PELP1: variants seen among roughly 807,000 people sequenced by gnomAD.
PELP1 encodes the protein proline-, glutamic acid- and leucine-rich protein 1.
PELP1 carries 32 observed loss-of-function variants against 95.5 expected under a neutral mutation model. The observed-to-expected ratio is 0.34, with a 90% CI of 0.25 to 0.45. The LOEUF (loss-of-function observed/expected upper bound fraction) is 0.45, where lower values mean the gene tolerates loss of function less well. Among genes scored for constraint, PELP1 ranks in the 20% least tolerant of loss-of-function variants. The probability of loss-of-function intolerance (pLI) is 1.00; values close to 1 mark genes in which losing one functional copy is unlikely to be tolerated. For synonymous variants in PELP1, 668 were observed against 600.1 expected (o/e 1.11, Z -1.65); for missense variants, 1,358 against 1,444.8 (o/e 0.94, Z 0.97).
chr17:4,675,594 T>A lies in PELP1; in HGVS notation c.1068+203A>T, dbSNP rs1013111219. 21 of 708,180 alleles carry A rather than the reference T, an allele frequency of 3.0e-5. No homozygotes were observed. The African/African-American group carries it at 3.0e-4, about 10-fold the overall frequency. The allele number at this position is 708,180 out of a possible 1,614,324, so 43.9% of individuals were successfully genotyped here. On this transcript the variant is annotated intron_variant, in intron 9 of 16. Coordinates refer to ENST00000572293, the MANE Select transcript of PELP1 (RefSeq NM_014389.3). The surrounding 1 kb of genome is among the most constrained non-coding windows in gnomAD (Gnocchi z 4.3). Reference sequence around the variant, plus strand: ...ACTCAGCTGATCCCCAAATTCACCCTCCCCCAAGGAAGCATTTGCTACACT... The same window carrying A: ...ACTCAGCTGATCCCCAAATTCACCCACCCCCAAGGAAGCATTTGCTACACT...
chr17:4,681,678 C>T (rs539373953), intron 5 of PELP1, among the ~76,000 whole-genome samples: 61 of 151,738 alleles, frequency 4.0e-4, no homozygotes, highest in South Asian at 2.7e-3. Flanking sequence ...TATGCACCTG[C>T]AGTCCCAGCT....
At position 4,671,892 on chromosome 17, in the gene PELP1, G is replaced by T; in HGVS notation, c.3099C>A (p.Ser1033=). 6.6e-7 allele frequency: 1 copy of T among 1,513,638 alleles called. No individual in the cohort carries two copies. 93.8% of individuals were successfully genotyped at this position (1,513,638 alleles called of 1,614,324 possible). Residue 1033 remains serine (S), a synonymous_variant, in exon 16 of 17, where the codon TCC becomes TCA. Transcript: ENST00000572293. ...APTLAPEALP[S]QGEVEREGES... is the part of the protein sequence containing the mutation. ...CCCCTTCCCTCTCCACCTCTCCCTG[G>T]GAGGGGAGCGCTTCAGGGGCCAGGG... is the stretch of plus-strand genomic sequence containing the variant.
Position 4,672,104 on chromosome 17 carries a change from G to C in PELP1, c.2887C>G (p.Leu963Val), listed in dbSNP as rs776358597. Residue 963 changes from leucine (L) to valine (V), a missense_variant, in exon 16 of 17, where the codon CTG becomes GTG. Coordinates refer to ENST00000572293, the MANE Select transcript of PELP1 (RefSeq NM_014389.3). ...EEEELEEVED[L>V]EFGTAGGEVE... ...TCCCCTCCTGCTGTGCCAAACTCCA[G>C]GTCTTCCACCTCTTCCAGTTCTTCT... is the stretch of plus-strand genomic sequence containing the variant. 13 of 1,553,818 alleles carry C rather than the reference G, an allele frequency of 8.4e-6. No homozygotes were observed. Among genetic ancestry groups the C allele is most frequent in the Non-Finnish European group, 1.1e-5 (13 of 1,148,274 alleles).
intron 1 of PELP1, among the ~76,000 whole-genome samples, chr17:4,693,108 C>T (rs1349688168): frequency 6.6e-6 from 1 of 152,224 alleles, no homozygotes; most frequent in African/African-American, 2.4e-5. Flanking sequence ...AATGGCGCAG[C>T]CACTCTGGAA....
intron 1 of PELP1, 103 bp downstream of exon 1, chr17:4,703,760 T>G: frequency 2.0e-6 from 2 of 987,326 alleles, no homozygotes; most frequent in South Asian, 1.7e-5. Context: ...CAGCTCTCCT[T>G]CCTTCAACCT....
intron 1 of PELP1, among the ~76,000 whole-genome samples, chr17:4,699,048 A>T (rs1913416648): frequency 6.6e-6 from 1 of 152,124 alleles, no homozygotes; most frequent in Non-Finnish European, 1.5e-5. Context: ...AGTTTAGGAG[A>T]TCTGTCATTA....
rs767633259 is a variant in PELP1 at position 4,691,395 on chromosome 17, G to A, written c.297C>T (p.Leu99=). 1 of 1,613,512 alleles carries A rather than the reference G, an allele frequency of 6.2e-7. No individual in the cohort carries two copies. The highest frequency in any genetic ancestry group is 1.7e-5 in the Admixed American group (1 of 60,026). The part of the protein sequence containing the change: ...GALVSLSNAR[L]SSIKTRFEGL... ...AGACTTACCGAGTTTTGATGGAACT[G>A]AGACGTGCATTACTGAGACTCACCA... Residue 99 remains leucine (L), a synonymous_variant, in exon 2 of 17, where the codon CTC becomes CTT. Coordinates refer to ENST00000572293, the MANE Select transcript of PELP1 (RefSeq NM_014389.3).
At position 4,672,909 on chromosome 17, in the gene PELP1, A is replaced by G. The variant is rs750760710; in HGVS notation, c.2082T>C (p.Pro694=). Residue 694 remains proline, a synonymous_variant, in exon 16 of 17, where the codon CCT becomes CCC. Coordinates refer to ENST00000572293, the MANE Select transcript of PELP1 (RefSeq NM_014389.3). ...PSAGPMPSAG[P]VPSARPGPPT... Reference sequence around the variant, plus strand: ...GAGGTCCAGGGCGTGCCGAGGGCACAGGGCCTGCTGAGGGCATGGGGCCTG... The same window carrying G: ...GAGGTCCAGGGCGTGCCGAGGGCACGGGGCCTGCTGAGGGCATGGGGCCTG... The G allele has an allele frequency of 2.5e-6, 4 of 1,600,232 alleles. No individual in the cohort carries two copies. The highest frequency in any genetic ancestry group is 1.7e-5 in the Admixed American group (1 of 59,622).
chr17:4,671,298 G>A lies in PELP1; in HGVS notation c.*141C>T. On this transcript the variant is annotated 3_prime_UTR_variant, in exon 17 of 17. Transcript: ENST00000572293. ...AGAGGACAGCTATGGAGACATCTGG[G>A]GAATACTATGGACACCCTGAAAAGC... The A allele has an allele frequency of 3.1e-6, 2 of 640,716 alleles. No homozygotes were observed. Among genetic ancestry groups the A allele is most frequent in the Non-Finnish European group, 5.6e-6 (2 of 354,594 alleles). The allele number at this position is 640,716 out of a possible 1,614,324, so 39.7% of individuals were successfully genotyped here. A position where few individuals can be genotyped will look rare whatever the true frequency, so the allele number is the denominator to read the frequency against.
intron 3 of PELP1, among the ~76,000 whole-genome samples, chr17:4,689,990 C>T (rs1390223774): frequency 2.0e-5 from 3 of 152,046 alleles, no homozygotes; most frequent in African/African-American, 7.2e-5. Context: ...CGCGCCACTG[C>T]ACTCCAGCCT....
chr17:4,697,373 G>A (rs938642954), intron 1 of PELP1, among the ~76,000 whole-genome samples: 1 of 152,108 alleles, frequency 6.6e-6, no homozygotes, highest in Admixed American at 6.6e-5. Context: ...GATTAGCTGG[G>A]TGTGGGGGCA....
At chr17:4,683,155 ATTTGTGT>A (rs1912754530) in intron 3 of PELP1, 1 of 1,092,906 alleles carries the variant, frequency 9.1e-7, no homozygotes, top group African/African-American at 1.6e-5. Flanking sequence ...GGTCCTAGGA[ATTTGTGT>A]GGGGGAAAAA....
chr17:4,679,171 A>G lies in PELP1; in HGVS notation c.643-2359T>C, dbSNP rs1313616258. On this transcript the variant is annotated intron_variant, in intron 5 of 16. Transcript: ENST00000572293. ...GTTCTAAGTAGCTGGAACCACAGGC[A>G]CACACCACCACACCCAGCTAATTTT... Among the ~76,000 whole-genome samples the G allele has an allele frequency of 2.0e-5, 3 of 152,152 alleles. No individual in the cohort carries two copies. In the East Asian group the frequency reaches 5.8e-4, roughly 29 times the overall value.
At chr17:4,701,658 T>A (rs1913542547) in intron 1 of PELP1, among the ~76,000 whole-genome samples, 1 of 152,230 alleles carries the variant, frequency 6.6e-6, no homozygotes, top group South Asian at 2.1e-4. Context: ...TGGATCCCCC[T>A]TGCTCGCAAG....
chr17:4,703,637 T>C (rs1046684863), intron 1 of PELP1, among the ~76,000 whole-genome samples: 1 of 152,118 alleles, frequency 6.6e-6, no homozygotes, highest in Non-Finnish European at 1.5e-5. Flanking sequence ...TGCCGACCAA[T>C]AGCCTAACAA....
chr17:4,672,473 G>A lies in PELP1; in HGVS notation c.2518C>T (p.Pro840Ser), dbSNP rs779956082. 3 of 1,568,536 alleles carry A rather than the reference G, an allele frequency of 1.9e-6. No individual in the cohort carries two copies. The highest frequency in any genetic ancestry group is 2.6e-6 in the Non-Finnish European group (3 of 1,158,212). ...GGCGGCGGCGGAGGTGGGGGTGGCGGGAGAGGCCCTGGGGCTGCAGGAAGT... is the reference window on the plus strand; with the variant it reads ...GGCGGCGGCGGAGGTGGGGGTGGCGAGAGAGGCCCTGGGGCTGCAGGAAGT... ...EELPAAPGPLPPPPPPPPPVP... is the reference protein window; with the variant it reads ...EELPAAPGPLSPPPPPPPPVP... The change falls in exon 16 of 17, where the codon CCG becomes TCG. Residue 840 changes from proline (P) to serine (S), a missense_variant. Pro to Ser is a moderately conservative substitution (Grantham distance 74). Coordinates refer to ENST00000572293, the MANE Select transcript of PELP1 (RefSeq NM_014389.3).
At chr17:4,699,421 A>G (rs1345668558) in intron 1 of PELP1, among the ~76,000 whole-genome samples, 1 of 152,188 alleles carries the variant, frequency 6.6e-6, no homozygotes, top group Non-Finnish European at 1.5e-5. Context: ...AAGGGTATAT[A>G]TTGAAATTCT....
chr17:4,682,480 A>C (rs751763971), intron 5 of PELP1, 22 bp downstream of exon 5: 2 of 1,501,226 alleles, frequency 1.3e-6, no homozygotes, highest in African/African-American at 2.7e-5. Context: ...ACTGGTGGGG[A>C]GAAGAGTGCA....
At position 4,675,140 on chromosome 17, in the gene PELP1, C is replaced by G. The variant is rs924935850; in HGVS notation, c.1213G>C (p.Val405Leu). 13 of 1,613,770 alleles carry G rather than the reference C, an allele frequency of 8.1e-6. No individual in the cohort carries two copies. Among genetic ancestry groups the G allele is most frequent in the Non-Finnish European group, 1.1e-5 (13 of 1,179,886 alleles). Residue 405 changes from valine to leucine, a missense_variant, in exon 11 of 17, where the codon GTC becomes CTC. By Grantham distance (32) the Val-to-Leu change is conservative. Transcript: ENST00000572293. The surrounding 1 kb of genome is among the most constrained non-coding windows in gnomAD (Gnocchi z 4.3). Reference sequence around the variant, plus strand: ...CTACCGATGCTCCAGGAATTGAGGACCTGGGGAAGCAGGCGGCCGATCAGG... The same window carrying G: ...CTACCGATGCTCCAGGAATTGAGGAGCTGGGGAAGCAGGCGGCCGATCAGG... ...GILIGRLLPQ[V>L]LNSWSIGRDS...
Sources: gnomAD v4.1 joint callset for allele counts (sites outside exome capture counted in the v4.1 genomes callset) on GRCh38, gnomAD v4.1.1 for gene constraint, Gnocchi (gnomAD v3.1) non-coding constraint, MANE v1.5 for transcripts, NCBI Gene and HGNC (gene_info 2026-07-23, HGNC 2026-07-21) for gene names.